The following SLC5A4 variants were observed in gnomAD, a reference collection of about 807,000 sequenced individuals.
SLC5A4 encodes probable glucose sensor protein SLC5A4.
A neutral mutation model predicts 70.3 loss-of-function variants in SLC5A4; 55 were observed. The observed-to-expected ratio is 0.78, with a 90% CI of 0.63 to 0.98. The LOEUF (loss-of-function observed/expected upper bound fraction) is 0.98. Ranked by LOEUF, SLC5A4 falls within the 50% of genes least tolerant of loss-of-function variation. SLC5A4 has a pLI of 0.00. For missense variants in SLC5A4, 735 were observed against 839.2 expected, an observed-to-expected ratio of 0.88 and a Z score of 1.53; for synonymous variants, 268 against 305.7, an observed-to-expected ratio of 0.88 and a Z score of 1.29.
intron 5 of SLC5A4, among the ~76,000 whole-genome samples, chr22:32,245,022 T>C (rs1468515225): frequency 6.6e-6 from 1 of 152,188 alleles, no homozygotes; most frequent in Admixed American, 6.6e-5. Flanking sequence ...CAATAGTCAA[T>C]ATCTGAATAA....
chr22:32,274,041 AT>A, the SLC5A4 span, among the ~76,000 whole-genome samples: 3,111 of 139,066 alleles, frequency 0.022, 40 homozygotes, highest in Non-Finnish European at 0.033. Context: ...TTGATATTCT[AT>A]TTTTTTTTTT....
the SLC5A4 span, among the ~76,000 whole-genome samples, chr22:32,267,836 A>G: frequency 6.6e-6 from 1 of 152,214 alleles, no homozygotes; most frequent in Admixed American, 6.5e-5. Context: ...AGAAACAATC[A>G]AGTCCTGGCT....
the SLC5A4 span, among the ~76,000 whole-genome samples, chr22:32,345,087 G>C: frequency 3.3e-5 from 5 of 152,116 alleles, no homozygotes; most frequent in African/African-American, 7.2e-5. Context: ...ACATTTTCAA[G>C]TTTAGAATGT....
chr22:32,310,331 G>A, the SLC5A4 span, among the ~76,000 whole-genome samples: 1 of 152,164 alleles, frequency 6.6e-6, no homozygotes, highest in Non-Finnish European at 1.5e-5. Flanking sequence ...GGAAACTGAG[G>A]GAACAGACCT....
the SLC5A4 span, among the ~76,000 whole-genome samples, chr22:32,311,292 G>C: frequency 4.6e-5 from 7 of 152,134 alleles, no homozygotes; most frequent in African/African-American, 1.7e-4. Context: ...TGGATGGGCA[G>C]TCAGTGTGAG....
At chr22:32,268,928 G>A in the SLC5A4 span, among the ~76,000 whole-genome samples, 23 of 152,242 alleles carry the variant, frequency 1.5e-4, no homozygotes, top group African/African-American at 4.8e-4. Flanking sequence ...ACAGAGTTTC[G>A]CTCTTTCGCC....
At chr22:32,302,261 T>TTGTG in the SLC5A4 span, among the ~76,000 whole-genome samples, 47 of 149,878 alleles carry the variant, frequency 3.1e-4, no homozygotes, top group Non-Finnish European at 5.3e-4. Context: ...TTTTTTTTTT[T>TTGTG]TGTGTCTAGC....
the SLC5A4 span, among the ~76,000 whole-genome samples, chr22:32,292,308 TATA>T: frequency 1.4e-5 from 2 of 140,116 alleles, no homozygotes; most frequent in Non-Finnish European, 3.1e-5. Context: ...AGATATTATA[TATA>T]TTTTTCTAAT....
intron 10 of SLC5A4, among the ~76,000 whole-genome samples, chr22:32,229,564 T>C (rs891468386): frequency 1.3e-5 from 2 of 152,204 alleles, no homozygotes; most frequent in Admixed American, 1.3e-4. Context: ...TCACATGTTC[T>C]CACTTACTTG....
the SLC5A4 span, among the ~76,000 whole-genome samples, chr22:32,312,626 G>A: frequency 1.3e-5 from 2 of 151,934 alleles, no homozygotes; most frequent in Non-Finnish European, 2.9e-5. Context: ...CCCCTCCCCT[G>A]CACCCCCAGC....
At chr22:32,311,353 T>G in the SLC5A4 span, among the ~76,000 whole-genome samples, 2 of 152,200 alleles carry the variant, frequency 1.3e-5, no homozygotes, top group African/African-American at 4.8e-5. Flanking sequence ...CACACATGTT[T>G]ATTAAGCAGG....
the SLC5A4 span, among the ~76,000 whole-genome samples, chr22:32,314,247 A>G: frequency 1.3e-5 from 2 of 152,174 alleles, no homozygotes; most frequent in Admixed American, 6.5e-5. Context: ...TCTCCATAGC[A>G]CACACCTCTA....
chr22:32,321,905 G>A, the SLC5A4 span, among the ~76,000 whole-genome samples: 1 of 152,228 alleles, frequency 6.6e-6, no homozygotes, highest in East Asian at 1.9e-4. Flanking sequence ...CATAGGTCTT[G>A]CACATAAAAC....
the SLC5A4 span, among the ~76,000 whole-genome samples, chr22:32,285,886 G>A: frequency 1.3e-5 from 2 of 151,884 alleles, no homozygotes; most frequent in Admixed American, 1.3e-4. Flanking sequence ...ACAGGCGCCC[G>A]CTACCACGCC....
At chr22:32,318,704 C>T in the SLC5A4 span, among the ~76,000 whole-genome samples, 8,259 of 152,268 alleles carry the variant, frequency 0.054, 378 homozygotes, top group Admixed American at 0.15. Context: ...AACACAGCAG[C>T]CAGAGAAGCC....
the SLC5A4 span, among the ~76,000 whole-genome samples, chr22:32,288,281 C>T: frequency 6.6e-6 from 1 of 152,174 alleles, no homozygotes; most frequent in Non-Finnish European, 1.5e-5. Flanking sequence ...GATTACACTT[C>T]CTACTACCTG....
the SLC5A4 span, among the ~76,000 whole-genome samples, chr22:32,283,099 C>A: frequency 1.8e-4 from 28 of 152,334 alleles, no homozygotes; most frequent in East Asian, 7.7e-4. Context: ...TTGACTGGCT[C>A]CCTGCACCTT....
chr22:32,251,209 G>T (rs994451168), intron 3 of SLC5A4, among the ~76,000 whole-genome samples: 11 of 96,576 alleles, frequency 1.1e-4, no homozygotes, highest in Non-Finnish European at 2.1e-4. Context: ...CAGACACCCA[G>T]AAAAACCTGG....
At chr22:32,300,081 G>A in the SLC5A4 span, among the ~76,000 whole-genome samples, 172 of 150,752 alleles carry the variant, frequency 1.1e-3, 7 homozygotes, top group South Asian at 0.034. Context: ...GGACATTTAA[G>A]TCTGCAGAGG....
Sources: gnomAD v4.1 joint callset for allele counts (sites outside exome capture counted in the v4.1 genomes callset) on GRCh38, gnomAD v4.1.1 for gene constraint, MANE v1.5 for transcripts, NCBI Gene and HGNC (gene_info 2026-07-23, HGNC 2026-07-21) for gene names.